TLN2: variants seen among roughly 807,000 people sequenced by gnomAD.
TLN2 encodes the protein talin-2.
Under a neutral mutation model 294.7 loss-of-function variants are expected in TLN2, and 118 were observed. The ratio of observed to expected loss-of-function variants is 0.40; its 90% CI spans 0.34 to 0.47. The LOEUF (loss-of-function observed/expected upper bound fraction) is 0.47. Among genes scored for constraint, TLN2 ranks in the 20% least tolerant of loss-of-function variants. The pLI, the probability that TLN2 is intolerant of heterozygous loss-of-function variation, is 0.84. For synonymous variants in TLN2, 1,431 were observed against 1,304.5 expected (o/e 1.10, Z -2.09); for missense variants, 3,083 against 3,282.2 (o/e 0.94, Z 1.48).
At chr15:62,585,984 C>G (rs1040427139) in intron 1 of TLN2, among the ~76,000 whole-genome samples, 1 of 152,104 alleles carries the variant, frequency 6.6e-6, no homozygotes, top group African/African-American at 2.4e-5. Context: ...AACCTCACAG[C>G]TGCCCTTGGC....
At chr15:62,785,155 A>G (rs899342992) in intron 45 of TLN2, among the ~76,000 whole-genome samples, 2 of 152,220 alleles carry the variant, frequency 1.3e-5, no homozygotes, top group Middle Eastern at 3.2e-3. Context: ...TCTATTTGCA[A>G]TGAGTGTGAA....
At chr15:62,574,050 A>C (rs2044168070) in intron 1 of TLN2, among the ~76,000 whole-genome samples, 1 of 152,042 alleles carries the variant, frequency 6.6e-6, no homozygotes. Flanking sequence ...CTTGGGACCA[A>C]ATGAAGTGAC....
rs1166046640 is a variant in TLN2 at position 62,491,351 on chromosome 15, TACACACAC to T, written c.-237-98298_-237-98291del. ...CAAAAAAAAAAAATATATATATATA[TACACACAC>T]ACACACACACACACACACACACACA... is the stretch of plus-strand genomic sequence containing the variant. On this transcript the variant is annotated intron_variant, in intron 1 of 58. Coordinates refer to ENST00000636159, the MANE Select transcript of TLN2 (RefSeq NM_015059.3). Among the ~76,000 whole-genome samples the T allele has an allele frequency of 8.4e-3, 837 of 100,236 alleles. 6 individuals carry two copies. The highest frequency in any genetic ancestry group is 0.021 in the Middle Eastern group (4 of 188). 65.8% of individuals were successfully genotyped at this position (100,236 alleles called of 152,430 possible). A position where few individuals can be genotyped will look rare whatever the true frequency, so the allele number is the denominator to read the frequency against.
intron 1 of TLN2, among the ~76,000 whole-genome samples, chr15:62,451,212 C>T (rs1054567937): frequency 1.3e-5 from 2 of 152,126 alleles, no homozygotes; most frequent in Non-Finnish European, 2.9e-5. Context: ...TTCTAAGGGC[C>T]GTGTGCACCA....
intron 52 of TLN2, 126 bp downstream of exon 52, chr15:62,810,158 G>T: frequency 1.3e-6 from 1 of 791,330 alleles, no homozygotes; most frequent in African/African-American, 1.7e-5. Flanking sequence ...TGTGAGGCTG[G>T]GACTGGATTG....
rs2065865776 is a variant in TLN2, at chr15:62,800,562, C to T, written c.6360+69C>T. ...CTCACTTAAAGGAAGGAGAGGCGTCCTTGCTCATAGCATGCGATCCAGAAG... is the reference window on the plus strand; with the variant it reads ...CTCACTTAAAGGAAGGAGAGGCGTCTTTGCTCATAGCATGCGATCCAGAAG... On this transcript the variant is annotated intron_variant, in intron 49 of 58. Coordinates refer to ENST00000636159, the MANE Select transcript of TLN2 (RefSeq NM_015059.3). 57 of 1,609,880 alleles carry T rather than the reference C, an allele frequency of 3.5e-5. No individual in the cohort carries two copies. In the South Asian group the frequency reaches 5.5e-4, roughly 16 times the overall value.
At chr15:62,810,109 C>G (rs892248369) in intron 52 of TLN2, 77 bp downstream of exon 52, 5 of 1,232,494 alleles carry the variant, frequency 4.1e-6, no homozygotes, top group Non-Finnish European at 4.7e-6. Flanking sequence ...ACTATGCTTT[C>G]CTTGGGAAGA....
intron 19 of TLN2, among the ~76,000 whole-genome samples, chr15:62,703,995 A>G (rs1326907624): frequency 6.6e-6 from 1 of 152,190 alleles, no homozygotes; most frequent in Non-Finnish European, 1.5e-5. Context: ...TAATTTTGCA[A>G]GTAATATATA....
In TLN2 at chr15:62,685,337, A is replaced by C. The variant is rs1596709084; in HGVS notation, c.958-1304A>C. Among the ~76,000 whole-genome samples the C allele has an allele frequency of 2.0e-5, 3 of 152,276 alleles. No individual in the cohort carries two copies. The South Asian group carries it at 6.2e-4, about 32-fold the overall frequency. ...TTATGTATCAAGTCCTGTGTTATTG[A>C]AAACTTGGATTGTTTCATCTACAGC... On this transcript the variant is annotated intron_variant, in intron 11 of 58. Coordinates refer to ENST00000636159, the MANE Select transcript of TLN2 (RefSeq NM_015059.3).
At chr15:62,612,297 T>G (rs1162839029) in intron 2 of TLN2, among the ~76,000 whole-genome samples, 1 of 152,220 alleles carries the variant, frequency 6.6e-6, no homozygotes, top group Admixed American at 6.5e-5. Flanking sequence ...CTTTTTTGAT[T>G]ACGAATCAAT....
rs71131119 is a variant in TLN2, at chr15:62,689,877, T to TTTTTTTTTTTTTTTTTTTTTA, written c.1114-2963_1114-2962insTTTTTTTTTTTTTTTTTTTTA. On this transcript the variant is annotated intron_variant, in intron 12 of 58. Transcript: ENST00000636159. The stretch of plus-strand genomic sequence containing the variant: ...TTTTTTTTTTTTTTTTTTTTTTTTT[T>TTTTTTTTTTTTTTTTTTTTTA]ATTGGCTGACCCCCCTTCCTCCCTC... 1.8e-3 allele frequency among the ~76,000 whole-genome samples: 18 copies of TTTTTTTTTTTTTTTTTTTTTA among 9,848 alleles called. 8 individuals are homozygous for TTTTTTTTTTTTTTTTTTTTTA. Among genetic ancestry groups the TTTTTTTTTTTTTTTTTTTTTA allele is most frequent in the Non-Finnish European group, 3.8e-3 (13 of 3,428 alleles). 6.5% of individuals were successfully genotyped at this position (9,848 alleles called of 152,430 possible). A position where few individuals can be genotyped will look rare whatever the true frequency, so the allele number is the denominator to read the frequency against.
chr15:62,807,405 G>C (rs1490019601), intron 51 of TLN2, among the ~76,000 whole-genome samples: 3 of 152,184 alleles, frequency 2.0e-5, no homozygotes, highest in Admixed American at 2.0e-4. Flanking sequence ...CCAAGGTCAC[G>C]CAGCTATTTA....
At chr15:62,693,955 C>CTTTTTTTTTT (rs71131123) in intron 13 of TLN2, among the ~76,000 whole-genome samples, 1 of 94,174 alleles carries the variant, frequency 1.1e-5, no homozygotes, top group African/African-American at 4.0e-5. Context: ...GATTTTCTTT[C>CTTTTTTTTTT]TTTTTTTTTT....
At chr15:62,772,556 C>T (rs1234173345) in intron 42 of TLN2, among the ~76,000 whole-genome samples, 1 of 152,204 alleles carries the variant, frequency 6.6e-6, no homozygotes, top group East Asian at 1.9e-4. Context: ...TGACTCACTT[C>T]TGGGTTGTCT....
At position 62,657,865 on chromosome 15, in the gene TLN2, A is replaced by G; in HGVS notation, c.755A>G (p.His252Arg). ...GFQAQIQFGP[H>R]VEHKHKPGFL... is the part of the protein sequence containing the mutation. ...CAAGCCCAGATACAATTTGGACCTC[A>G]TGTGGAACATAAACACAAACCTGGA... The change falls in exon 9 of 59, where the codon CAT (histidine) becomes CGT (arginine). Residue 252 changes from histidine to arginine, a missense_variant. Coordinates refer to ENST00000636159, the MANE Select transcript of TLN2 (RefSeq NM_015059.3). 6.2e-7 allele frequency: 1 copy of G among 1,613,694 alleles called. No homozygotes were observed. The highest frequency in any genetic ancestry group is 8.5e-7 in the Non-Finnish European group (1 of 1,179,834).
chr15:62,640,657 C>T (rs994815031), intron 3 of TLN2, among the ~76,000 whole-genome samples: 1 of 152,182 alleles, frequency 6.6e-6, no homozygotes, highest in South Asian at 2.1e-4. Context: ...CCAAGAGAAA[C>T]AGCCTAGGTG....
intron 2 of TLN2, among the ~76,000 whole-genome samples, chr15:62,597,991 A>G (rs1477739534): frequency 6.6e-6 from 1 of 152,100 alleles, no homozygotes; most frequent in African/African-American, 2.4e-5. Context: ...AGATTTTCAG[A>G]TTAGGTATGC....
rs780191729 is a variant in TLN2 at position 62,838,825 on chromosome 15, T to C, written c.7375-31T>C. 4 of 1,600,532 alleles carry C rather than the reference T, an allele frequency of 2.5e-6. No homozygotes were observed. The East Asian group carries it at 8.9e-5, about 36-fold the overall frequency. On this transcript the variant is annotated intron_variant, in intron 57 of 58. Transcript: ENST00000636159. ...GCCAGGCCCAAATGGCTGTTTCTAATGATATAATGTATGTTTTGTTCACTC... is the reference window on the plus strand; with the variant it reads ...GCCAGGCCCAAATGGCTGTTTCTAACGATATAATGTATGTTTTGTTCACTC...
At chr15:62,504,952 TTTGTTG>T (rs35153560) in intron 1 of TLN2, among the ~76,000 whole-genome samples, 1 of 151,280 alleles carries the variant, frequency 6.6e-6, no homozygotes, top group African/African-American at 2.4e-5. Flanking sequence ...GAAACATGTT[TTTGTTG>T]TTGTTGTTGT....
Sources: allele counts gnomAD v4.1 joint callset (sites outside exome capture counted in the v4.1 genomes callset), GRCh38; gene constraint gnomAD v4.1.1; transcripts MANE v1.5; gene names NCBI Gene and HGNC (gene_info 2026-07-23, HGNC 2026-07-21).